Variants in CHKA observed in about 807,000 individuals in gnomAD.
CHKA encodes choline kinase alpha.
CHKA carries 34 observed loss-of-function variants against 60.1 expected under a neutral mutation model. The ratio of observed to expected loss-of-function variants is 0.57; its 90% CI spans 0.43 to 0.75. The LOEUF (loss-of-function observed/expected upper bound fraction) is 0.75. Ranked by LOEUF, CHKA falls within the 30% of genes least tolerant of loss-of-function variation. The pLI, the probability that CHKA is intolerant of heterozygous loss-of-function variation, is 0.00. For missense variants in CHKA, 563 were observed against 561.3 expected (o/e 1.00, Z -0.03); for synonymous variants, 217 against 223.1 (o/e 0.97, Z 0.24).
At chr11:68,109,910 C>T (rs867652675) in intron 1 of CHKA, among the ~76,000 whole-genome samples, 10 of 151,986 alleles carry the variant, frequency 6.6e-5, no homozygotes, top group Non-Finnish European at 1.5e-4. Context: ...CGAGGTCACG[C>T]CACTGCACTC....
rs974815176 is a variant in CHKA at position 68,053,698 on chromosome 11, C to T, written c.*290G>A. 2 of 332,774 alleles carry T rather than the reference C, an allele frequency of 6.0e-6. No homozygotes were observed. Among genetic ancestry groups the T allele is most frequent in the African/African-American group, 4.2e-5 (2 of 47,122 alleles). The allele number at this position is 332,774 out of a possible 1,614,324, so 20.6% of individuals were successfully genotyped here. ...TGCCTCATCTGACTGGAAACCTTAG[C>T]CCCCAAATATGAAATGCCTTCTCTA... On this transcript the variant is annotated 3_prime_UTR_variant, in exon 12 of 12. Coordinates refer to ENST00000265689, the MANE Select transcript of CHKA (RefSeq NM_001277.3).
chr11:68,071,000 T>A, intron 4 of CHKA, 143 bp from the exon 5 acceptor site: 1 of 758,092 alleles, frequency 1.3e-6, no homozygotes, highest in Non-Finnish European at 2.1e-6. Flanking sequence ...GAATGGACAC[T>A]GTGTCCCTAC....
At chr11:68,063,013 C>A (rs1856306586) in intron 10 of CHKA, among the ~76,000 whole-genome samples, 1 of 152,148 alleles carries the variant, frequency 6.6e-6, no homozygotes, top group Non-Finnish European at 1.5e-5. Context: ...GGCCTCTTGA[C>A]TAAAGAGATG....
At chr11:68,070,052 G>T in intron 6 of CHKA, 137 bp downstream of exon 6, 1 of 704,526 alleles carries the variant, frequency 1.4e-6, no homozygotes, top group South Asian at 1.6e-5. Context: ...AATTCCAGAT[G>T]ACAAAACTTA....
At position 68,064,651 on chromosome 11, in the gene CHKA, G is replaced by C; in HGVS notation, c.1126-20C>G. The C allele has an allele frequency of 1.4e-6, 2 of 1,408,026 alleles. No homozygotes were observed. Among genetic ancestry groups the C allele is most frequent in the Non-Finnish European group, 2.0e-6 (2 of 1,010,726 alleles). The allele number at this position is 1,408,026 out of a possible 1,614,324, so 87.2% of individuals were successfully genotyped here. A position where few individuals can be genotyped will look rare whatever the true frequency, so the allele number is the denominator to read the frequency against. ...ATGGAGCTTAAAAAAAAGTAATTGT[G>C]TTAGGATCAATGATGGTTAAAATAG... On this transcript the variant is annotated intron_variant, in intron 9 of 11. Transcript: ENST00000265689.
chr11:68,111,227 C>T (rs1334829101), intron 1 of CHKA, among the ~76,000 whole-genome samples: 2 of 151,868 alleles, frequency 1.3e-5, no homozygotes, highest in Admixed American at 6.6e-5. Context: ...GCCTGGCCAA[C>T]ATGGTGAAAC....
intron 3 of CHKA, among the ~76,000 whole-genome samples, chr11:68,079,844 G>A (rs188534785): frequency 3.3e-5 from 5 of 152,238 alleles, no homozygotes; most frequent in South Asian, 2.1e-4. Flanking sequence ...AGAATGTAGC[G>A]GCCCTTTGGC....
intron 3 of CHKA, 72 bp from the exon 4 acceptor site, chr11:68,074,902 C>T (rs2512611): frequency 0.58 from 798,715 of 1,371,692 alleles, 234,222 homozygotes; most frequent in Admixed American, 0.72. Context: ...AGCACTCTCA[C>T]AGGAGTGTTT....
At chr11:68,120,267 C>T (rs1484411443) in intron 1 of CHKA, among the ~76,000 whole-genome samples, 2 of 151,648 alleles carry the variant, frequency 1.3e-5, no homozygotes, top group Non-Finnish European at 2.9e-5. Flanking sequence ...TTCTACCTTA[C>T]TCTTATTTTA....
intron 3 of CHKA, among the ~76,000 whole-genome samples, chr11:68,080,115 T>C (rs984906698): frequency 1.3e-5 from 2 of 152,198 alleles, no homozygotes; most frequent in African/African-American, 4.8e-5. Flanking sequence ...GCTAACAGGA[T>C]GTCCAAAGGC....
chr11:68,100,984 G>A (rs1178486682), intron 1 of CHKA, among the ~76,000 whole-genome samples: 3 of 111,872 alleles, frequency 2.7e-5, no homozygotes, highest in African/African-American at 1.1e-4. Context: ...GTCTCACTCT[G>A]TCACCCAGGC....
Position 68,095,728 on chromosome 11 carries a change from AAAAAAAC to A in CHKA, c.462+1284_462+1290del, listed in dbSNP as rs1382936304. Among the ~76,000 whole-genome samples the A allele has an allele frequency of 1.3e-4, 19 of 144,104 alleles. 1 individual carries two copies. The highest frequency in any genetic ancestry group is 6.8e-4 in the South Asian group (3 of 4,384). The allele number at this position is 144,104 out of a possible 152,430, so 94.5% of individuals were successfully genotyped here. On this transcript the variant is annotated intron_variant, in intron 2 of 11. Coordinates refer to ENST00000265689, the MANE Select transcript of CHKA (RefSeq NM_001277.3). ...CGTCGCAAAAAAAAAAAAAAAAAAA[AAAAAAAC>A]AACAGGTATCAAAATCCTACCACAG... is the stretch of plus-strand genomic sequence containing the variant.
At chr11:68,058,349 A>G (rs1856102909) in intron 11 of CHKA, among the ~76,000 whole-genome samples, 1 of 152,228 alleles carries the variant, frequency 6.6e-6, no homozygotes, top group Non-Finnish European at 1.5e-5. Context: ...TCAGCATGTC[A>G]ATTTCTACAC....
chr11:68,087,610 T>A (rs746965989), intron 2 of CHKA, among the ~76,000 whole-genome samples: 6 of 152,068 alleles, frequency 3.9e-5, no homozygotes, highest in Non-Finnish European at 5.9e-5. Context: ...AATTGTGCCA[T>A]CCATTTTTTA....
intron 10 of CHKA, among the ~76,000 whole-genome samples, chr11:68,063,553 T>G (rs1313119604): frequency 1.3e-5 from 2 of 152,124 alleles, no homozygotes; most frequent in Non-Finnish European, 2.9e-5. Flanking sequence ...TGGGTTGTTG[T>G]GTCTGGATGA....
intron 4 of CHKA, among the ~76,000 whole-genome samples, chr11:68,072,417 C>T (rs1431374575): frequency 1.3e-5 from 2 of 151,888 alleles, no homozygotes; most frequent in Non-Finnish European, 2.9e-5. Flanking sequence ...CATGGTGGCA[C>T]GTGCCTGTAG....
At chr11:68,104,017 G>C (rs530463040) in intron 1 of CHKA, among the ~76,000 whole-genome samples, 1 of 152,002 alleles carries the variant, frequency 6.6e-6, no homozygotes, top group Non-Finnish European at 1.5e-5. Context: ...CAGTACATCA[G>C]ACATCTACAC....
At chr11:68,092,409 T>G (rs1443668478) in intron 2 of CHKA, among the ~76,000 whole-genome samples, 2 of 152,210 alleles carry the variant, frequency 1.3e-5, no homozygotes, top group Non-Finnish European at 1.5e-5. Flanking sequence ...GGCTATACAT[T>G]AGCAATTTCA....
In CHKA at chr11:68,074,968, A is replaced by G. The variant is rs144654881; in HGVS notation, c.517-138T>C. ...GGGCACTACTGTTATCATCATCCCCATTTTAAATATGAAGAAACAGAGGTT... is the reference window on the plus strand; with the variant it reads ...GGGCACTACTGTTATCATCATCCCCGTTTTAAATATGAAGAAACAGAGGTT... On this transcript the variant is annotated intron_variant, in intron 3 of 11. Coordinates refer to ENST00000265689, the MANE Select transcript of CHKA (RefSeq NM_001277.3). The G allele has an allele frequency of 1.7e-4, 121 of 716,876 alleles. No individual in the cohort carries two copies. The African/African-American group carries it at 1.8e-3, about 11-fold the overall frequency. 44.4% of individuals were successfully genotyped at this position (716,876 alleles called of 1,614,324 possible).
Sources: gnomAD v4.1 joint callset for allele counts (sites outside exome capture counted in the v4.1 genomes callset) on GRCh38, gnomAD v4.1.1 for gene constraint, MANE v1.5 for transcripts, NCBI Gene and HGNC (gene_info 2026-07-23, HGNC 2026-07-21) for gene names.